Variants in AVEN observed in about 807,000 individuals in gnomAD.
The protein encoded by AVEN is apoptosis and caspase activation inhibitor.
In AVEN, 41 loss-of-function variants were observed where a neutral mutation model predicts 38.1. The ratio of observed to expected loss-of-function variants is 1.08; its 90% confidence interval spans 0.84 to 1.40. The LOEUF (loss-of-function observed/expected upper bound fraction) is 1.40. Ranked by LOEUF, AVEN falls within the 40% of genes most tolerant of loss-of-function variation. The pLI is 0.00. For missense variants in AVEN, 605 were observed against 438.8 expected (o/e 1.38, Z -3.38); for synonymous variants, 206 against 171.8 (o/e 1.20, Z -1.56).
In AVEN at chr15:33,957,678, C is replaced by A. The variant is rs536566525; in HGVS notation, c.445+45354G>T. Among the ~76,000 whole-genome samples, 8 of 151,510 alleles carry A rather than the reference C, an allele frequency of 5.3e-5. No individual in the cohort carries two copies. The South Asian group carries it at 1.7e-3, about 32-fold the overall frequency. On this transcript the variant is annotated intron_variant, in intron 2 of 5. Coordinates refer to ENST00000306730, the MANE Select transcript of AVEN (RefSeq NM_020371.3). ...TAGTCAGCGGGTAAAAAGGAATAAA[C>A]CCCATGCAACAACATAGGGGAATCT...
the AVEN span, chr15:33,853,625 C>T: frequency 3.1e-6 from 5 of 1,613,962 alleles, no homozygotes; most frequent in South Asian, 1.1e-5. Flanking sequence ...GACAAAAATG[C>T]TCTTGACTTT....
chr15:34,017,003 T>A (rs547463259), intron 1 of AVEN, among the ~76,000 whole-genome samples: 1 of 94,620 alleles, frequency 1.1e-5, no homozygotes, highest in African/African-American at 2.6e-5. Context: ...TGGTGGCACA[T>A]CCCTGTAGTC....
intron 2 of AVEN, among the ~76,000 whole-genome samples, chr15:33,943,519 G>C (rs1894394803): frequency 6.6e-6 from 1 of 152,198 alleles, no homozygotes; most frequent in East Asian, 1.9e-4. Flanking sequence ...ACAAATTCTA[G>C]ACTTAACCCT....
intron 2 of AVEN, among the ~76,000 whole-genome samples, chr15:33,891,211 ATATTG>A (rs1335469988): frequency 3.3e-5 from 5 of 151,954 alleles, no homozygotes; most frequent in Non-Finnish European, 7.4e-5. Flanking sequence ...ATTTTGTTTT[ATATTG>A]TATTAACTAT....
chr15:33,875,059 G>A (rs1054066098), intron 3 of AVEN, among the ~76,000 whole-genome samples: 6 of 152,058 alleles, frequency 3.9e-5, no homozygotes, highest in East Asian at 1.9e-4. Context: ...TCCCCTCCTC[G>A]TAATCCGTAT....
At chr15:33,918,945 G>C (rs1243246739) in intron 2 of AVEN, among the ~76,000 whole-genome samples, 2 of 135,052 alleles carry the variant, frequency 1.5e-5, no homozygotes, top group East Asian at 2.2e-4. Context: ...TTTTGAAATG[G>C]AGTCTCACAC....
chr15:33,864,007 TC>T, downstream of AVEN: 1 of 629,692 alleles, frequency 1.6e-6, no homozygotes, highest in Non-Finnish European at 2.8e-6. Context: ...ATGCCACACT[TC>T]CCTGATCATT....
chr15:33,854,177 T>C (rs1305793731), downstream of AVEN, among the ~76,000 whole-genome samples: 1 of 131,774 alleles, frequency 7.6e-6, no homozygotes, highest in Non-Finnish European at 1.6e-5. Flanking sequence ...GCCTGGGTGA[T>C]AGAGTGAGAC....
In AVEN at chr15:34,038,932, CGCCTCTGGCTACCGCCGCT is replaced by C; in HGVS notation, c.96_114del (p.Val35GlufsTer169). The C allele has an allele frequency of 1.4e-5, 16 of 1,104,820 alleles. No homozygotes were observed. Among genetic ancestry groups the C allele is most frequent in the Non-Finnish European group, 1.8e-5 (16 of 910,584 alleles). 68.4% of individuals were successfully genotyped at this position (1,104,820 alleles called of 1,614,324 possible). ...CCGTCCCCGCCGCCGCCTCCGCCGC[CGCCTCTGGCTACCGCCGCT>C]GCGGCTCCGGGCCGCTCGCTGTGGC... On this transcript the variant is annotated frameshift_variant, in exon 1 of 6. Coordinates refer to ENST00000306730, the MANE Select transcript of AVEN (RefSeq NM_020371.3). LOFTEE classifies it high-confidence loss of function.
intron 2 of AVEN, among the ~76,000 whole-genome samples, chr15:33,970,241 T>A (rs2140492873): frequency 6.6e-6 from 1 of 152,044 alleles, no homozygotes; most frequent in South Asian, 2.1e-4. Flanking sequence ...TTTCCTTTTT[T>A]CAAATTTTAG....
the AVEN span, chr15:33,853,601 A>C: frequency 6.2e-7 from 1 of 1,613,998 alleles, no homozygotes; most frequent in South Asian, 1.1e-5. Flanking sequence ...CGCATTGCTG[A>C]ACTTCTGGGT....
chr15:33,931,349 C>CTTTTTTTTTTTTTTTTTT (rs71119903), intron 2 of AVEN, among the ~76,000 whole-genome samples: 1 of 89,274 alleles, frequency 1.1e-5, no homozygotes, highest in African/African-American at 5.2e-5. Context: ...TGAATATTTT[C>CTTTTTTTTTTTTTTTTTT]TTTTTTTTTT....
In AVEN at chr15:34,033,631, T is replaced by G. The variant is rs575098074; in HGVS notation, c.267+5149A>C. Reference sequence around the variant, plus strand: ...TATATAACATTTTTTAAGTCAACATTTATTACAGGAAGACATGAAATGGTA... The same window carrying G: ...TATATAACATTTTTTAAGTCAACATGTATTACAGGAAGACATGAAATGGTA... On this transcript the variant is annotated intron_variant, in intron 1 of 5. Coordinates refer to ENST00000306730, the MANE Select transcript of AVEN (RefSeq NM_020371.3). Among the ~76,000 whole-genome samples the G allele has an allele frequency of 5.3e-5, 8 of 152,258 alleles. No individual in the cohort carries two copies. In the East Asian group the frequency reaches 1.5e-3, roughly 29 times the overall value.
intron 2 of AVEN, among the ~76,000 whole-genome samples, chr15:33,918,443 A>G (rs890155950): frequency 1.4e-5 from 2 of 141,228 alleles, no homozygotes; most frequent in Non-Finnish European, 3.1e-5. Flanking sequence ...GTGTCTTCCC[A>G]GTCTTAAATT....
chr15:33,884,936 A>G (rs1891644345), intron 2 of AVEN, among the ~76,000 whole-genome samples: 1 of 152,222 alleles, frequency 6.6e-6, no homozygotes, highest in Admixed American at 6.5e-5. Context: ...TTCAAATCAT[A>G]TAATTGACCT....
intron 1 of AVEN, among the ~76,000 whole-genome samples, chr15:34,015,666 CAT>C (rs918563536): frequency 3.3e-5 from 5 of 151,910 alleles, no homozygotes; most frequent in South Asian, 2.1e-4. Flanking sequence ...AACAGCAACA[CAT>C]GAGGGAAAAA....
At chr15:33,855,493 C>G (rs145974610), downstream of AVEN, among the ~76,000 whole-genome samples, 19 of 152,270 alleles carry the variant, frequency 1.2e-4, no homozygotes, top group East Asian at 3.7e-3. Context: ...TGTGAGCCAT[C>G]GTGCCCGGCC....
intron 2 of AVEN, among the ~76,000 whole-genome samples, chr15:33,906,041 T>A (rs1892687925): frequency 6.6e-6 from 1 of 152,158 alleles, no homozygotes; most frequent in Non-Finnish European, 1.5e-5. Context: ...CATTAAGTTG[T>A]TAAATTGCAT....
At chr15:33,931,322 C>T (rs150737490) in intron 2 of AVEN, among the ~76,000 whole-genome samples, 1 of 144,532 alleles carries the variant, frequency 6.9e-6, no homozygotes, top group African/African-American at 2.6e-5. Flanking sequence ...TATTTATTTG[C>T]CAAAAAGAAA....
Sources: allele counts gnomAD v4.1 joint callset (sites outside exome capture counted in the v4.1 genomes callset), GRCh38; gene constraint gnomAD v4.1.1; transcripts MANE v1.5; gene names NCBI Gene and HGNC (gene_info 2026-07-23, HGNC 2026-07-21).